The following THSD7B variants were observed in gnomAD, a reference collection of about 807,000 sequenced individuals.
THSD7B encodes thrombospondin type-1 domain-containing protein 7B.
Under a neutral mutation model 213.6 loss-of-function variants are expected in THSD7B, and 138 were observed. The observed-to-expected ratio is 0.65, with a 90% CI of 0.56 to 0.74. THSD7B has a LOEUF of 0.74. Ranked by LOEUF, THSD7B falls within the 30% of genes least tolerant of loss-of-function variation. THSD7B has a pLI of 0.00. For synonymous variants in THSD7B, 742 were observed against 687.0 expected, an observed-to-expected ratio of 1.08 and a Z score of -1.25; for missense variants, 1,931 against 1,991.5, an observed-to-expected ratio of 0.97 and a Z score of 0.58.
intron 2 of THSD7B, among the ~76,000 whole-genome samples, chr2:137,023,407 A>G (rs1686482665): frequency 6.6e-6 from 1 of 152,082 alleles, no homozygotes; most frequent in Admixed American, 6.6e-5. Context: ...AGTGCCCTGT[A>G]GCGGATAACC....
intron 2 of THSD7B, among the ~76,000 whole-genome samples, chr2:136,918,721 A>G (rs1684385396): frequency 6.6e-6 from 1 of 152,222 alleles, no homozygotes; most frequent in Non-Finnish European, 1.5e-5. Context: ...GGCTTTTCCT[A>G]TGTCAGGAAG....
intron 12 of THSD7B, among the ~76,000 whole-genome samples, chr2:137,399,013 C>T (rs1686281997): frequency 6.6e-6 from 1 of 152,144 alleles, no homozygotes; most frequent in Admixed American, 6.5e-5. Context: ...ATGCCTCGCC[C>T]TGCTTCGGCT....
chr2:137,055,106 T>C (rs1466291705), intron 2 of THSD7B, among the ~76,000 whole-genome samples: 1 of 152,232 alleles, frequency 6.6e-6, no homozygotes, highest in African/African-American at 2.4e-5. Flanking sequence ...GTGAAGGACA[T>C]GAACTCATTC....
At chr2:137,443,056 T>C (rs1687451527) in intron 14 of THSD7B, among the ~76,000 whole-genome samples, 1 of 152,172 alleles carries the variant, frequency 6.6e-6, no homozygotes, top group Admixed American at 6.5e-5. Context: ...ATAGCTAGTG[T>C]ACGTACAGTC....
chr2:137,261,981 T>C (rs1010109919), intron 10 of THSD7B, among the ~76,000 whole-genome samples: 23 of 146,612 alleles, frequency 1.6e-4, no homozygotes, highest in African/African-American at 5.4e-4. Context: ...GGGCAGAACA[T>C]GGCAAGCTCC....
intron 12 of THSD7B, among the ~76,000 whole-genome samples, chr2:137,362,918 A>G (rs1685301882): frequency 6.6e-6 from 1 of 152,180 alleles, no homozygotes; most frequent in Non-Finnish European, 1.5e-5. Flanking sequence ...TCCACCTCAA[A>G]TCAACAGAAT....
chr2:137,071,732 T>C (rs571140871), intron 3 of THSD7B, among the ~76,000 whole-genome samples: 6 of 152,338 alleles, frequency 3.9e-5, no homozygotes, highest in South Asian at 4.1e-4. Flanking sequence ...AGGGTTTTTA[T>C]GGTTTTAGGT....
At chr2:136,852,351 C>CAAAACAAA (rs1683111861) in intron 1 of THSD7B, among the ~76,000 whole-genome samples, 1 of 134,882 alleles carries the variant, frequency 7.4e-6, no homozygotes, top group Non-Finnish European at 1.7e-5. Context: ...AACAAAACAA[C>CAAAACAAA]AAAAAAACCA....
chr2:137,227,836 A>G (rs1181442862), intron 7 of THSD7B, among the ~76,000 whole-genome samples: 3 of 152,164 alleles, frequency 2.0e-5, no homozygotes, highest in Non-Finnish European at 4.4e-5. Flanking sequence ...TGACATAAAT[A>G]TCTAGATTTC....
chr2:137,482,771 G>C (rs756258426), intron 15 of THSD7B, among the ~76,000 whole-genome samples: 1 of 151,568 alleles, frequency 6.6e-6, no homozygotes, highest in African/African-American at 2.4e-5. Context: ...CAGAACCACC[G>C]TTTCTACCCT....
rs111459706 is a variant in THSD7B at position 137,426,763 on chromosome 2, C to T, written c.2959+14891C>T. Among the ~76,000 whole-genome samples the T allele has an allele frequency of 6.9e-4, 105 of 152,030 alleles. 1 individual carries two copies. Among genetic ancestry groups the T allele is most frequent in the Middle Eastern group, 3.4e-3 (1 of 292 alleles). On this transcript the variant is annotated intron_variant, in intron 14 of 27. Transcript: ENST00000409968. ...CTTGACAATGATATTTTGGATATGA[C>T]GCCAAAAATACCAGCAACAAAAACA...
At chr2:136,799,225 A>G (rs1399153885) in intron 1 of THSD7B, among the ~76,000 whole-genome samples, 1 of 152,004 alleles carries the variant, frequency 6.6e-6, no homozygotes, top group Non-Finnish European at 1.5e-5. Context: ...CCACAATGTC[A>G]TTATTGCCCT....
intron 17 of THSD7B, among the ~76,000 whole-genome samples, chr2:137,580,504 G>A (rs912573681): frequency 6.6e-6 from 1 of 152,070 alleles, no homozygotes; most frequent in Non-Finnish European, 1.5e-5. Context: ...ATACAATAAT[G>A]ACTTTTACCT....
chr2:137,358,833 A>C (rs1345090822), intron 12 of THSD7B, among the ~76,000 whole-genome samples: 1 of 152,174 alleles, frequency 6.6e-6, no homozygotes, highest in Non-Finnish European at 1.5e-5. Context: ...TAGTAGCTCT[A>C]CTTTTCCAAT....
chr2:137,347,948 A>T (rs1684914650), intron 12 of THSD7B, among the ~76,000 whole-genome samples: 1 of 151,178 alleles, frequency 6.6e-6, no homozygotes, highest in Admixed American at 6.6e-5. Context: ...TATGCTCTAA[A>T]TTTAATTTGG....
intron 2 of THSD7B, among the ~76,000 whole-genome samples, chr2:136,976,347 A>G (rs1317959534): frequency 1.3e-5 from 2 of 152,178 alleles, no homozygotes; most frequent in East Asian, 3.8e-4. Context: ...CTTTTCTTCA[A>G]TACTTCGTTT....
intron 15 of THSD7B, among the ~76,000 whole-genome samples, chr2:137,457,343 C>A (rs1687783093): frequency 6.6e-6 from 1 of 152,202 alleles, no homozygotes; most frequent in South Asian, 2.1e-4. Context: ...AAGGTATTTG[C>A]TATGCACCTC....
chr2:137,022,591 A>G (rs1686466891), intron 2 of THSD7B, among the ~76,000 whole-genome samples: 3 of 152,052 alleles, frequency 2.0e-5, no homozygotes, highest in Admixed American at 2.0e-4. Context: ...TATAAGATAC[A>G]TGGGCTTAAA....
chr2:137,311,178 C>T (rs967904734), intron 12 of THSD7B, among the ~76,000 whole-genome samples: 5 of 150,446 alleles, frequency 3.3e-5, no homozygotes, highest in Non-Finnish European at 4.4e-5. Flanking sequence ...TCTTTTATTT[C>T]GTTGAGCAGT....
Sources: allele counts gnomAD v4.1 joint callset (sites outside exome capture counted in the v4.1 genomes callset), GRCh38; gene constraint gnomAD v4.1.1; transcripts MANE v1.5; gene names NCBI Gene and HGNC (gene_info 2026-07-23, HGNC 2026-07-21).